The following RHOV variants were observed in gnomAD, a reference collection of about 807,000 sequenced individuals.
RHOV encodes the protein ras homolog family member V.
Under a neutral mutation model 20.2 loss-of-function variants are expected in RHOV, and 6 were observed. The observed-to-expected ratio is 0.30, with a 90% CI of 0.16 to 0.59. The LOEUF is 0.59. RHOV is among the 20% of genes least tolerant of loss of function. The pLI is 0.89. For missense variants in RHOV, 275 were observed against 319.4 expected, an observed-to-expected ratio of 0.86 and a Z score of 1.06; for synonymous variants, 136 against 142.3, an observed-to-expected ratio of 0.96 and a Z score of 0.31.
chr15:40,873,867 C>G, intron 1 of RHOV, 65 bp downstream of exon 1: 2 of 1,552,794 alleles, frequency 1.3e-6, no homozygotes, highest in African/African-American at 2.7e-5. Context: ...AGACGCCCGC[C>G]CCAGCTCCCC....
chr15:40,872,979 C>T lies in RHOV; in HGVS notation c.*79G>A. 1 of 1,130,180 alleles carries T rather than the reference C, an allele frequency of 8.8e-7. No homozygotes were observed. The highest frequency in any genetic ancestry group is 1.3e-6 in the Non-Finnish European group (1 of 770,360). 70.0% of individuals were successfully genotyped at this position (1,130,180 alleles called of 1,614,324 possible). On this transcript the variant is annotated 3_prime_UTR_variant, in exon 3 of 3. Coordinates refer to ENST00000220507, the MANE Select transcript of RHOV (RefSeq NM_133639.4). ...TGAGGTGGCCAGGCCCTGCCAGTAGCTGCCGCAAAGGCCCGGGTGCCCCAG... is the reference window on the plus strand; with the variant it reads ...TGAGGTGGCCAGGCCCTGCCAGTAGTTGCCGCAAAGGCCCGGGTGCCCCAG...
Position 40,873,310 on chromosome 15 carries a change from TA to T in RHOV, c.458del (p.Val153AspfsTer2). ...GGCCCCCCTGGTCCAGCTGAATTAGTACGTTGACATCGTCCCTCAGGTCGGC... is the reference window on the plus strand; with the variant it reads ...GGCCCCCCTGGTCCAGCTGAATTAGTCGTTGACATCGTCCCTCAGGTCGGC... ...TQADLRDDVN[V>X]LIQLDQGGRE... On this transcript the variant is annotated frameshift_variant, in exon 3 of 3. Transcript: ENST00000220507. LOFTEE classifies it high-confidence loss of function. 6.2e-7 allele frequency: 1 copy of T among 1,613,514 alleles called. No homozygotes were observed. Among genetic ancestry groups the T allele is most frequent in the South Asian group, 1.1e-5 (1 of 91,080 alleles).
rs971163198 is a variant in RHOV at position 40,874,229 on chromosome 15, A to G, written c.-90T>C. On this transcript the variant is annotated 5_prime_UTR_variant, in exon 1 of 3. Transcript: ENST00000220507. ...GGTCCCGCTGGCTGCCTCTGACTGA[A>G]TGGGTCCAGGCTGGGCGAGTCGGCC... The G allele has an allele frequency of 1.7e-5, 9 of 531,298 alleles. No homozygotes were observed. In the Admixed American group the frequency reaches 1.8e-4, roughly 10 times the overall value. The allele number at this position is 531,298 out of a possible 1,614,324, so 32.9% of individuals were successfully genotyped here. A position where few individuals can be genotyped will look rare whatever the true frequency, so the allele number is the denominator to read the frequency against.
Position 40,873,920 on chromosome 15 carries a change from G to A in RHOV, c.208+12C>T, listed in dbSNP as rs765828432. 1 of 1,604,180 alleles carries A rather than the reference G, an allele frequency of 6.2e-7. No homozygotes were observed. Among genetic ancestry groups the A allele is most frequent in the Non-Finnish European group, 8.5e-7 (1 of 1,174,964 alleles). On this transcript the variant is annotated intron_variant, in intron 1 of 2. Transcript: ENST00000220507. ...CAGCCACGCGGCCGCACGGGCGATT[G>A]AACGTACGTACCAGAGAAGGTGTCC... is the stretch of plus-strand genomic sequence containing the variant.
Position 40,872,546 on chromosome 15 carries a change from C to T in RHOV, c.*512G>A. 1 of 154,358 alleles carries T rather than the reference C, an allele frequency of 6.5e-6. No individual in the cohort carries two copies. Among genetic ancestry groups the T allele is most frequent in the Non-Finnish European group, 1.4e-5 (1 of 69,588 alleles). The allele number at this position is 154,358 out of a possible 1,614,324, so 9.6% of individuals were successfully genotyped here. A position where few individuals can be genotyped will look rare whatever the true frequency, so the allele number is the denominator to read the frequency against. On this transcript the variant is annotated 3_prime_UTR_variant, in exon 3 of 3. Transcript: ENST00000220507. The stretch of plus-strand genomic sequence containing the variant: ...TCCTCCTCGTCATCTTCTTTCCAGG[C>T]CTTATCCACCATCAGTCCCAGGCTC...
In RHOV at chr15:40,873,009, C is replaced by T. The variant is rs1168323911; in HGVS notation, c.*49G>A. 6.7e-7 allele frequency: 1 copy of T among 1,494,898 alleles called. No individual in the cohort carries two copies. Among genetic ancestry groups the T allele is most frequent in the East Asian group, 2.3e-5 (1 of 44,308 alleles). The allele number at this position is 1,494,898 out of a possible 1,614,324, so 92.6% of individuals were successfully genotyped here. On this transcript the variant is annotated 3_prime_UTR_variant, in exon 3 of 3. Coordinates refer to ENST00000220507, the MANE Select transcript of RHOV (RefSeq NM_133639.4). The stretch of plus-strand genomic sequence containing the variant: ...GCAAAGGCCCGGGTGCCCCAGGTCT[C>T]AGAAGTCTTTGGCCTCCTGCCTACT...
Position 40,873,775 on chromosome 15 carries a change from G to A in RHOV, c.209-33C>T, listed in dbSNP as rs367824578. ...GGCGGGGCGGGGAGAGCCTGAGTTA[G>A]GAAGAGCGTCCTGGGCCGCACCAGC... On this transcript the variant is annotated intron_variant, in intron 1 of 2. Transcript: ENST00000220507. The A allele has an allele frequency of 4.4e-6, 7 of 1,608,564 alleles. No homozygotes were observed. In the African/African-American group the frequency reaches 8.0e-5, roughly 18 times the overall value.
In RHOV at chr15:40,873,169, C is replaced by A; in HGVS notation, c.600G>T (p.Ser200=). 6.2e-7 allele frequency: 1 copy of A among 1,614,222 alleles called. No homozygotes were observed. Among genetic ancestry groups the A allele is most frequent in the Non-Finnish European group, 8.5e-7 (1 of 1,180,022 alleles). The stretch of plus-strand genomic sequence containing the variant: ...TGTGCTCAATGGCACTGAGAATAGC[C>A]GAGTCAAATACTTCCTTCAAGTTCT... ...TQKNLKEVFD[S]AILSAIEHKA... Residue 200 remains serine (S), a synonymous_variant, in exon 3 of 3, where the codon TCG becomes TCT. Transcript: ENST00000220507.
rs1596164517 is a variant in RHOV, at chr15:40,873,516, C to A, written c.268-15G>T. 6.3e-7 allele frequency: 1 copy of A among 1,593,222 alleles called. No homozygotes were observed. Among genetic ancestry groups the A allele is most frequent in the South Asian group, 1.1e-5 (1 of 88,550 alleles). On this transcript the variant is annotated splice_polypyrimidine_tract_variant and intron_variant, in intron 2 of 2. Transcript: ENST00000220507. ...TCAAAATCCTCCTGGGGTGGGAAGG[C>A]CAGGTGGTAAGGATTAGCCCCCCGA...
Position 40,874,142 on chromosome 15 carries a change from C to A in RHOV, c.-3G>T. On this transcript the variant is annotated 5_prime_UTR_variant, in exon 1 of 3. Transcript: ENST00000220507. ...TCGCTCAGCTCCCGCGGCGGCATGG[C>A]CCGCTCCGGGGGCAGCAGAGGGGCC... 1 of 1,312,050 alleles carries A rather than the reference C, an allele frequency of 7.6e-7. No individual in the cohort carries two copies. Among genetic ancestry groups the A allele is most frequent in the Non-Finnish European group, 9.7e-7 (1 of 1,028,676 alleles). 81.3% of individuals were successfully genotyped at this position (1,312,050 alleles called of 1,614,324 possible).
At position 40,874,168 on chromosome 15, in the gene RHOV, A is replaced by G; in HGVS notation, c.-29T>C. On this transcript the variant is annotated 5_prime_UTR_variant, in exon 1 of 3. Transcript: ENST00000220507. ...CCGCTCCGGGGGCAGCAGAGGGGCC[A>G]GCCCGGGTCTCGGCTTCGCTGCGCT... 2 of 1,071,740 alleles carry G rather than the reference A, an allele frequency of 1.9e-6. No individual in the cohort carries two copies. The highest frequency in any genetic ancestry group is 2.5e-5 in the South Asian group (1 of 39,636). The allele number at this position is 1,071,740 out of a possible 1,614,324, so 66.4% of individuals were successfully genotyped here.
rs979789836 is a variant in RHOV at position 40,874,099 on chromosome 15, A to G, written c.41T>C (p.Leu14Pro). 1.4e-6 allele frequency: 2 copies of G among 1,446,964 alleles called. No homozygotes were observed. The highest frequency in any genetic ancestry group is 4.1e-4 in the Middle Eastern group (2 of 4,880). The allele number at this position is 1,446,964 out of a possible 1,614,324, so 89.6% of individuals were successfully genotyped here. A position where few individuals can be genotyped will look rare whatever the true frequency, so the allele number is the denominator to read the frequency against. ...RELSEAEPPP[L>P]RAPTPPPRRR... ...CCGCGGGGGAGGGGTCGGGGCCCGGAGCGGGGGCGGCTCGGCCTCGCTCAG... is the reference window on the plus strand; with the variant it reads ...CCGCGGGGGAGGGGTCGGGGCCCGGGGCGGGGGCGGCTCGGCCTCGCTCAG... The change falls in exon 1 of 3, where the codon CTC becomes CCC. Residue 14 changes from leucine to proline, a missense_variant. Coordinates refer to ENST00000220507, the MANE Select transcript of RHOV (RefSeq NM_133639.4).
chr15:40,874,031 C>G lies in RHOV; in HGVS notation c.109G>C (p.Val37Leu). Residue 37 changes from valine to leucine, a missense_variant, in exon 1 of 3, where the codon GTG becomes CTG. Physicochemically the swap from Val to Leu is conservative, Grantham distance 32. Coordinates refer to ENST00000220507, the MANE Select transcript of RHOV (RefSeq NM_133639.4). The stretch of plus-strand genomic sequence containing the variant: ...CTCTTGCCCACGGCGCCGTCGCCCA[C>G]CAGCACGCACTTGATGCCCAGCTCT... ...PPELGIKCVL[V>L]GDGAVGKSSL... 6.2e-7 allele frequency: 1 copy of G among 1,601,532 alleles called. No homozygotes were observed. The highest frequency in any genetic ancestry group is 2.3e-5 in the East Asian group (1 of 43,838).
Position 40,872,859 on chromosome 15 carries a change from A to C in RHOV, c.*199T>G. 1.8e-6 allele frequency: 1 copy of C among 556,694 alleles called. No homozygotes were observed. Among genetic ancestry groups the C allele is most frequent in the Non-Finnish European group, 3.2e-6 (1 of 315,312 alleles). The allele number at this position is 556,694 out of a possible 1,614,324, so 34.5% of individuals were successfully genotyped here. ...TGTGAGCTTTGACTGGAGAAATCCA[A>C]ATCAGAGCCTTCCCTCCTAGGCTCA... On this transcript the variant is annotated 3_prime_UTR_variant, in exon 3 of 3. Coordinates refer to ENST00000220507, the MANE Select transcript of RHOV (RefSeq NM_133639.4).
chr15:40,873,392 A>G lies in RHOV; in HGVS notation c.377T>C (p.Leu126Pro). Reference sequence around the variant, plus strand: ...GGGGTTGTGCGTGCGGATCTCGGGCAGCCATTTCTCTGTGATGTTTTGAAA... The same window carrying G: ...GGGGTTGTGCGTGCGGATCTCGGGCGGCCATTTCTCTGTGATGTTTTGAAA... ...SSFQNITEKWLPEIRTHNPQA... is the reference protein window; with the variant it reads ...SSFQNITEKWPPEIRTHNPQA... The change falls in exon 3 of 3, where the codon CTG becomes CCG. Residue 126 changes from leucine to proline, a missense_variant. Coordinates refer to ENST00000220507, the MANE Select transcript of RHOV (RefSeq NM_133639.4). The G allele has an allele frequency of 6.2e-7, 1 of 1,612,986 alleles. No individual in the cohort carries two copies. Among genetic ancestry groups the G allele is most frequent in the Non-Finnish European group, 8.5e-7 (1 of 1,179,896 alleles).
In RHOV at chr15:40,873,750, G is replaced by T. The variant is rs201868870; in HGVS notation, c.209-8C>A. ...CATCCACCAGGACTTGCACTGCAGGGGCGGGGCGGGGAGAGCCTGAGTTAG... is the reference window on the plus strand; with the variant it reads ...CATCCACCAGGACTTGCACTGCAGGTGCGGGGCGGGGAGAGCCTGAGTTAG... On this transcript the variant is annotated splice_region_variant and splice_polypyrimidine_tract_variant and intron_variant, in intron 1 of 2. Coordinates refer to ENST00000220507, the MANE Select transcript of RHOV (RefSeq NM_133639.4). 6.0e-5 allele frequency: 96 copies of T among 1,612,520 alleles called. No homozygotes were observed. In the African/African-American group the frequency reaches 1.1e-3, roughly 19 times the overall value.
rs777004088 is a variant in RHOV, at chr15:40,874,061, G to A, written c.79C>T (p.Pro27Ser). ...ACGCACTTGATGCCCAGCTCTGGGG[G>A]CGCGCTACGCCGCCGCGGGGGAGGG... ...PTPPPRRRSA[P>S]PELGIKCVLV... The change falls in exon 1 of 3, where the codon CCC (proline) becomes TCC (serine). Residue 27 changes from proline to serine, a missense_variant. Physicochemically the swap from Pro to Ser is moderately conservative, Grantham distance 74 (BLOSUM62 -1). Transcript: ENST00000220507. The A allele has an allele frequency of 1.9e-6, 3 of 1,552,368 alleles. No individual in the cohort carries two copies. Among genetic ancestry groups the A allele is most frequent in the Non-Finnish European group, 2.6e-6 (3 of 1,154,380 alleles).
In RHOV at chr15:40,873,069, A is replaced by G; in HGVS notation, c.700T>C (p.Cys234Arg). 1 of 1,613,474 alleles carries G rather than the reference A, an allele frequency of 6.2e-7. No homozygotes were observed. The highest frequency in any genetic ancestry group is 8.5e-7 in the Non-Finnish European group (1 of 1,179,462). Residue 234 changes from cysteine to arginine, a missense_variant, in exon 3 of 3, where the codon TGC (cysteine) becomes CGC (arginine). Coordinates refer to ENST00000220507, the MANE Select transcript of RHOV (RefSeq NM_133639.4). ...GCAGCCATAGCTGCTCAAACGAAGC[A>G]GAAGAACTTCTTCCAGCGGCAGCGG... ...LSRCRWKKFF[C>R]FV is the part of the protein sequence containing the mutation.
chr15:40,874,145 G>T lies in RHOV; in HGVS notation c.-6C>A. On this transcript the variant is annotated 5_prime_UTR_variant, in exon 1 of 3. Coordinates refer to ENST00000220507, the MANE Select transcript of RHOV (RefSeq NM_133639.4). ...CTCAGCTCCCGCGGCGGCATGGCCC[G>T]CTCCGGGGGCAGCAGAGGGGCCAGC... is the stretch of plus-strand genomic sequence containing the variant. The T allele has an allele frequency of 2.3e-6, 3 of 1,291,348 alleles. No homozygotes were observed. The highest frequency in any genetic ancestry group is 2.0e-6 in the Non-Finnish European group (2 of 1,011,702). The allele number at this position is 1,291,348 out of a possible 1,614,324, so 80.0% of individuals were successfully genotyped here.
Sources: allele counts gnomAD v4.1 joint callset, GRCh38; gene constraint gnomAD v4.1.1; transcripts MANE v1.5; gene names NCBI Gene and HGNC (gene_info 2026-07-23, HGNC 2026-07-21).